Variants in TAFA5 observed in about 807,000 individuals in gnomAD.
TAFA5 encodes TAFA chemokine like family member 5.
Under a neutral mutation model 15.3 loss-of-function variants are expected in TAFA5, and 6 were observed. The ratio of observed to expected loss-of-function variants is 0.39; its 90% CI spans 0.21 to 0.77. The LOEUF (loss-of-function observed/expected upper bound fraction) is 0.77. Ranked by LOEUF, TAFA5 falls within the 30% of genes least tolerant of loss-of-function variation. TAFA5 has a pLI of 0.41. For synonymous variants in TAFA5, 103 were observed against 80.7 expected (o/e 1.28, Z -1.48); for missense variants, 161 against 193.1 (o/e 0.83, Z 0.98).
intron 1 of TAFA5, among the ~76,000 whole-genome samples, chr22:48,609,262 A>G (rs28572033): frequency 0.13 from 19,328 of 152,062 alleles, 1,335 homozygotes; most frequent in African/African-American, 0.16. Context: ...TTCAGAAATC[A>G]AAGACACGTT....
intron 1 of TAFA5, among the ~76,000 whole-genome samples, chr22:48,588,669 C>T (rs573143929): frequency 6.9e-4 from 105 of 152,260 alleles, no homozygotes; most frequent in African/African-American, 1.7e-3. Flanking sequence ...GGGCACGATT[C>T]GGTGCCACCT....
Position 48,651,316 on chromosome 22 carries a change from C to T in TAFA5, c.262+4570C>T, listed in dbSNP as rs552144457. 6.6e-5 allele frequency among the ~76,000 whole-genome samples: 10 copies of T among 152,296 alleles called. 1 individual carries two copies. In the South Asian group the frequency reaches 2.1e-3, roughly 32 times the overall value. Reference sequence around the variant, plus strand: ...AACTGCAGTCATGGCACAGCGCAGACCCATTGTCAGGGCCGCAGTGGCCAC... The same window carrying T: ...AACTGCAGTCATGGCACAGCGCAGATCCATTGTCAGGGCCGCAGTGGCCAC... On this transcript the variant is annotated intron_variant, in intron 2 of 3. Coordinates refer to ENST00000402357, the MANE Select transcript of TAFA5 (RefSeq NM_001082967.3).
In TAFA5 at chr22:48,687,879, G is replaced by A. The variant is rs75395397; in HGVS notation, c.263-19838G>A. ...AGCACTTAGCGCCTGGGACCTCCTG[G>A]AACCAGACAGGAGACACTTTCCTTT... On this transcript the variant is annotated intron_variant, in intron 2 of 3. Transcript: ENST00000402357. Among the ~76,000 whole-genome samples the A allele has an allele frequency of 2.7e-4, 41 of 152,276 alleles. No homozygotes were observed. The East Asian group carries it at 4.6e-3, about 17-fold the overall frequency.
intron 1 of TAFA5, among the ~76,000 whole-genome samples, chr22:48,641,513 T>C (rs1479272770): frequency 1.3e-5 from 2 of 151,968 alleles, no homozygotes; most frequent in African/African-American, 4.8e-5. Context: ...TCCATTCTGA[T>C]GGTGGCTGCC....
intron 2 of TAFA5, among the ~76,000 whole-genome samples, chr22:48,704,139 G>T (rs1929003365): frequency 2.0e-5 from 3 of 152,032 alleles, no homozygotes; most frequent in Admixed American, 2.0e-4. Context: ...CCACACTGGA[G>T]CCTCTTCCTT....
chr22:48,594,293 C>T lies in TAFA5; in HGVS notation c.113-52304C>T, dbSNP rs1009947358. 1.3e-5 allele frequency among the ~76,000 whole-genome samples: 2 copies of T among 152,326 alleles called. 1 individual carries two copies. The highest frequency in any genetic ancestry group is 4.1e-4 in the South Asian group (2 of 4,828). On this transcript the variant is annotated intron_variant, in intron 1 of 3. Coordinates refer to ENST00000402357, the MANE Select transcript of TAFA5 (RefSeq NM_001082967.3). ...GCAGGCTTTGGCTGTCTGACCCACT[C>T]GGATGGGCGAGGAGAGAAATGGGGG...
intron 1 of TAFA5, among the ~76,000 whole-genome samples, chr22:48,645,279 C>T (rs1194496487): frequency 6.6e-6 from 1 of 152,116 alleles, no homozygotes; most frequent in Non-Finnish European, 1.5e-5. Flanking sequence ...GGAGCACGGG[C>T]ACTGTCTTTA....
At chr22:48,683,651 G>A (rs879525450) in intron 2 of TAFA5, among the ~76,000 whole-genome samples, 3 of 152,218 alleles carry the variant, frequency 2.0e-5, no homozygotes, top group East Asian at 3.8e-4. Flanking sequence ...TCAGTTCAAC[G>A]CTTTCTATCA....
chr22:48,606,279 A>G (rs1925190847), intron 1 of TAFA5, among the ~76,000 whole-genome samples: 1 of 152,188 alleles, frequency 6.6e-6, no homozygotes, highest in African/African-American at 2.4e-5. Context: ...CCTCTCGAGA[A>G]TCGCAGTGGC....
At chr22:48,624,285 C>T (rs1469142793) in intron 1 of TAFA5, among the ~76,000 whole-genome samples, 4 of 152,184 alleles carry the variant, frequency 2.6e-5, no homozygotes, top group African/African-American at 9.7e-5. Context: ...TCATGAGTGT[C>T]ACATACTTGG....
chr22:48,613,066 C>T (rs1158590278), intron 1 of TAFA5, among the ~76,000 whole-genome samples: 1 of 152,214 alleles, frequency 6.6e-6, no homozygotes, highest in Non-Finnish European at 1.5e-5. Context: ...ACCAGCCACT[C>T]TTGGCTCTGT....
intron 1 of TAFA5, among the ~76,000 whole-genome samples, chr22:48,513,628 G>A (rs1232176999): frequency 6.6e-6 from 1 of 152,242 alleles, no homozygotes; most frequent in Non-Finnish European, 1.5e-5. Context: ...TGAGCACCTG[G>A]GCAGGCCTGT....
At chr22:48,654,785 T>C (rs1159030141) in intron 2 of TAFA5, among the ~76,000 whole-genome samples, 1 of 151,948 alleles carries the variant, frequency 6.6e-6, no homozygotes, top group African/African-American at 2.4e-5. Flanking sequence ...AATTTGACCT[T>C]GATCCAGCAC....
chr22:48,614,736 A>G lies in TAFA5; in HGVS notation c.113-31861A>G, dbSNP rs946983770. Among the ~76,000 whole-genome samples, 3 of 152,342 alleles carry G rather than the reference A, an allele frequency of 2.0e-5. No homozygotes were observed. The South Asian group carries it at 6.2e-4, about 32-fold the overall frequency. On this transcript the variant is annotated intron_variant, in intron 1 of 3. Transcript: ENST00000402357. The stretch of plus-strand genomic sequence containing the variant: ...GCTCCTGTCGCAAGCAAGTACTGCC[A>G]GGGTGCTGCGCGTCCTGTTGACCGA...
chr22:48,706,333 G>A (rs1929077253), intron 2 of TAFA5, among the ~76,000 whole-genome samples: 1 of 152,146 alleles, frequency 6.6e-6, no homozygotes, highest in Non-Finnish European at 1.5e-5. Context: ...CGAGGAACTC[G>A]GAACAGTGAG....
At chr22:48,548,813 C>T (rs1403364938) in intron 1 of TAFA5, among the ~76,000 whole-genome samples, 1 of 152,272 alleles carries the variant, frequency 6.6e-6, no homozygotes, top group African/African-American at 2.4e-5. Context: ...CTCTTATCTC[C>T]TGGCCCCTTT....
intron 1 of TAFA5, among the ~76,000 whole-genome samples, chr22:48,568,791 G>T (rs1923488947): frequency 6.6e-6 from 1 of 152,158 alleles, no homozygotes; most frequent in Admixed American, 6.5e-5. Flanking sequence ...CATGAGCCTG[G>T]ACTGCCAGCC....
intron 1 of TAFA5, among the ~76,000 whole-genome samples, chr22:48,520,275 T>C (rs940174341): frequency 6.6e-6 from 1 of 152,220 alleles, no homozygotes; most frequent in Non-Finnish European, 1.5e-5. Flanking sequence ...GATTTTGTTA[T>C]GCCGACACAG....
In TAFA5 at chr22:48,707,841, C is replaced by T; in HGVS notation, c.387C>T (p.Thr129=). 1 of 1,613,104 alleles carries T rather than the reference C, an allele frequency of 6.2e-7. No homozygotes were observed. Among genetic ancestry groups the T allele is most frequent in the Non-Finnish European group, 8.5e-7 (1 of 1,179,538 alleles). Reference sequence around the variant, plus strand: ...AGCCCGGCGGGAGGATAAAGACCACCACGGTATGTGGCCCTCGGCTTTCTC... The same window carrying T: ...AGCCCGGCGGGAGGATAAAGACCACTACGGTATGTGGCCCTCGGCTTTCTC... ...CTQPGGRIKT[T]TVS is the part of the protein sequence containing the mutation. The change falls in exon 3 of 4, where the codon ACC becomes ACT. Residue 129 remains threonine, a synonymous_variant. Transcript: ENST00000402357.
Sources: gnomAD v4.1 joint callset for allele counts (sites outside exome capture counted in the v4.1 genomes callset) on GRCh38, gnomAD v4.1.1 for gene constraint, MANE v1.5 for transcripts, NCBI Gene and HGNC (gene_info 2026-07-23, HGNC 2026-07-21) for gene names.